FAM107B: variants seen among roughly 807,000 people sequenced by gnomAD.
FAM107B encodes the protein family with sequence similarity 107 member B, also known as protein FAM107B.
Under a neutral mutation model 31.5 loss-of-function variants are expected in FAM107B, and 21 were observed. The observed-to-expected ratio is 0.67, with a 90% CI of 0.47 to 0.96. The LOEUF is 0.96. FAM107B is among the 40% of genes least tolerant of loss of function. The pLI is 0.00. For missense variants in FAM107B, 452 were observed against 377.1 expected (o/e 1.20, Z -1.64); for synonymous variants, 157 against 141.5 (o/e 1.11, Z -0.78).
At chr10:14,657,821 C>CTTT (rs34103993) in intron 2 of FAM107B, among the ~76,000 whole-genome samples, 3 of 149,892 alleles carry the variant, frequency 2.0e-5, no homozygotes, top group African/African-American at 7.4e-5. Flanking sequence ...TTTTTTTTTC[C>CTTT]TTTTTTTTGA....
At chr10:14,522,414 A>ATTTTT (rs57308938) in intron 3 of FAM107B, among the ~76,000 whole-genome samples, 1 of 141,618 alleles carries the variant, frequency 7.1e-6, no homozygotes, top group Non-Finnish European at 1.5e-5. Flanking sequence ...CTAGCCCCTG[A>ATTTTT]TTTTTTTTTT....
chr10:14,684,893 T>C (rs891053361), intron 1 of FAM107B, among the ~76,000 whole-genome samples: 1 of 151,916 alleles, frequency 6.6e-6, no homozygotes, highest in East Asian at 1.9e-4. Flanking sequence ...CAATCTTGGC[T>C]CACGGCAGCC....
At chr10:14,535,546 C>T (rs1201878901) in intron 2 of FAM107B, among the ~76,000 whole-genome samples, 1 of 152,168 alleles carries the variant, frequency 6.6e-6, no homozygotes, top group East Asian at 1.9e-4. Context: ...TTCAATGGTT[C>T]TTGGACCTAT....
chr10:14,532,686 C>T (rs1027188349), intron 2 of FAM107B: 1 of 152,260 alleles, frequency 6.6e-6, no homozygotes, highest in Non-Finnish European at 1.5e-5. Flanking sequence ...AAATGCACTA[C>T]ATACACCTCT....
intron 2 of FAM107B, among the ~76,000 whole-genome samples, chr10:14,594,448 G>C (rs1852115434): frequency 6.8e-6 from 1 of 146,068 alleles, no homozygotes; most frequent in Admixed American, 7.2e-5. Flanking sequence ...AGGCTGCAGT[G>C]AGCTATGGTG....
chr10:14,733,215 C>T (rs115888315), intron 1 of FAM107B, among the ~76,000 whole-genome samples: 17 of 152,002 alleles, frequency 1.1e-4, no homozygotes, highest in African/African-American at 3.9e-4. Context: ...TAACTTCTGT[C>T]ACAGAAAGGA....
chr10:14,726,370 TG>T (rs1455430187), intron 1 of FAM107B, among the ~76,000 whole-genome samples: 2 of 151,900 alleles, frequency 1.3e-5, no homozygotes, highest in Non-Finnish European at 2.9e-5. Flanking sequence ...TCAGGGACAA[TG>T]GTGTTATTTG....
chr10:14,773,115 A>G (rs569137719), intron 1 of FAM107B, among the ~76,000 whole-genome samples: 12 of 152,332 alleles, frequency 7.9e-5, no homozygotes, highest in Admixed American at 2.0e-4. Context: ...GTGGTGCTAG[A>G]AAAAAACATA....
At chr10:14,660,311 G>A (rs1401132744) in intron 2 of FAM107B, among the ~76,000 whole-genome samples, 6 of 152,060 alleles carry the variant, frequency 3.9e-5, no homozygotes. Flanking sequence ...AGCAATGCAT[G>A]GTTTAAGAGG....
chr10:14,602,484 A>T (rs1852431655), intron 2 of FAM107B: 1 of 152,224 alleles, frequency 6.6e-6, no homozygotes. Flanking sequence ...TTTATTTTAA[A>T]AGAACATACA....
rs190409723 is a variant in FAM107B, at chr10:14,708,636, G to A, written c.412-40945C>T. ...TAAAGAAAAAAAAAATTGATAAGTTGGACTTCATTAAAGTTAAAAATTTCT... is the reference window on the plus strand; with the variant it reads ...TAAAGAAAAAAAAAATTGATAAGTTAGACTTCATTAAAGTTAAAAATTTCT... On this transcript the variant is annotated intron_variant, in intron 1 of 4. Transcript: ENST00000181796. 2.4e-3 allele frequency among the ~76,000 whole-genome samples: 369 copies of A among 152,100 alleles called. 1 individual carries two copies. Among genetic ancestry groups the A allele is most frequent in the African/African-American group, 8.4e-3 (347 of 41,492 alleles).
chr10:14,734,093 A>G (rs1856236912), intron 1 of FAM107B, among the ~76,000 whole-genome samples: 10 of 151,058 alleles, frequency 6.6e-5, no homozygotes, highest in Admixed American at 6.6e-4. Context: ...ACTTCCTTTA[A>G]AAAAAAATAT....
At chr10:14,726,377 A>G (rs2688861) in intron 1 of FAM107B, among the ~76,000 whole-genome samples, 108,897 of 152,030 alleles carry the variant, frequency 0.72, 39,545 homozygotes, top group African/African-American at 0.85. Context: ...CAATGGTGTT[A>G]TTTGTGTGCC....
intron 1 of FAM107B, among the ~76,000 whole-genome samples, chr10:14,676,149 ACT>A (rs1437307149): frequency 2.0e-5 from 3 of 152,122 alleles, no homozygotes; most frequent in East Asian, 1.9e-4. Flanking sequence ...ACAGAGCAAG[ACT>A]CTGTCTCAGA....
At chr10:14,616,666 T>C (rs1421820619) in intron 2 of FAM107B, among the ~76,000 whole-genome samples, 1 of 152,232 alleles carries the variant, frequency 6.6e-6, no homozygotes, top group African/African-American at 2.4e-5. Context: ...CTTATGCCTG[T>C]AATCCCAGCC....
At chr10:14,723,232 T>A (rs1855954248) in intron 1 of FAM107B, 21 of 529,858 alleles carry the variant, frequency 4.0e-5, no homozygotes, top group South Asian at 2.9e-4. Context: ...CACAGATCAG[T>A]CTTCTGTGGT....
chr10:14,587,350 A>T (rs1851878285), intron 2 of FAM107B, among the ~76,000 whole-genome samples: 1 of 152,230 alleles, frequency 6.6e-6, no homozygotes, highest in African/African-American at 2.4e-5. Flanking sequence ...ACAGAAATAT[A>T]TTCTCATATA....
At chr10:14,743,622 A>G (rs1832667097) in intron 1 of FAM107B, among the ~76,000 whole-genome samples, 1 of 152,146 alleles carries the variant, frequency 6.6e-6, no homozygotes, top group African/African-American at 2.4e-5. Context: ...TCATTTCCCC[A>G]TTGCTTGTTT....
Position 14,603,679 on chromosome 10 carries a change from C to T in FAM107B, c.469+63955G>A, listed in dbSNP as rs545312890. Among the ~76,000 whole-genome samples, 153 of 152,328 alleles carry T rather than the reference C, an allele frequency of 1.0e-3. 1 individual carries two copies. The highest frequency in any genetic ancestry group is 1.2e-3 in the Non-Finnish European group (81 of 68,016). On this transcript the variant is annotated intron_variant, in intron 2 of 4. Transcript: ENST00000181796. ...TGTGTGTGTTACACCACCCCATATGCTGGGTTCACTGGAACAGGGGAGAAA... is the reference window on the plus strand; with the variant it reads ...TGTGTGTGTTACACCACCCCATATGTTGGGTTCACTGGAACAGGGGAGAAA...
Sources: allele counts gnomAD v4.1 joint callset (sites outside exome capture counted in the v4.1 genomes callset), GRCh38; gene constraint gnomAD v4.1.1; transcripts MANE v1.5; gene names NCBI Gene and HGNC (gene_info 2026-07-23, HGNC 2026-07-21).